The following NALF1 variants were observed in gnomAD, a reference collection of about 807,000 sequenced individuals.
NALF1 encodes NALCN channel auxiliary factor 1.
In NALF1, 3 loss-of-function variants were observed where a neutral mutation model predicts 48.4. That is an observed-to-expected ratio of 0.06 (90% CI 0.03 to 0.16). The LOEUF (loss-of-function observed/expected upper bound fraction) is 0.16. NALF1 is among the 10% of genes least tolerant of loss of function. The pLI is 1.00. For missense variants in NALF1, 526 were observed against 571.5 expected (o/e 0.92, Z 0.81); for synonymous variants, 262 against 245.7 (o/e 1.07, Z -0.62).
intron 1 of NALF1, among the ~76,000 whole-genome samples, chr13:107,634,133 A>G (rs1462399032): frequency 6.6e-6 from 1 of 152,090 alleles, no homozygotes. Flanking sequence ...GAGAACATCA[A>G]CTGATTAATC....
chr13:107,537,505 C>A (rs184132397), intron 1 of NALF1, among the ~76,000 whole-genome samples: 96 of 152,164 alleles, frequency 6.3e-4, no homozygotes, highest in Admixed American at 4.6e-4. Flanking sequence ...TTTGTCATTG[C>A]CACAATATTT....
chr13:107,225,018 TG>T (rs1251404811), intron 1 of NALF1, among the ~76,000 whole-genome samples: 2 of 152,174 alleles, frequency 1.3e-5, no homozygotes, highest in African/African-American at 4.8e-5. Context: ...TATTTTGTTT[TG>T]TTTTTTGAGA....
chr13:107,510,742 C>T (rs1366998080), intron 1 of NALF1, among the ~76,000 whole-genome samples: 1 of 152,116 alleles, frequency 6.6e-6, no homozygotes, highest in Non-Finnish European at 1.5e-5. Context: ...CATTCTGTGA[C>T]CATGATGGAC....
intron 1 of NALF1, among the ~76,000 whole-genome samples, chr13:107,385,912 G>GA (rs374677428): frequency 1.3e-5 from 2 of 151,982 alleles, no homozygotes; most frequent in Admixed American, 6.5e-5. Flanking sequence ...CAATGAATTA[G>GA]AAAAAAATAA....
intron 1 of NALF1, among the ~76,000 whole-genome samples, chr13:107,806,860 C>T (rs970496268): frequency 6.6e-6 from 1 of 152,142 alleles, no homozygotes. Flanking sequence ...GATTCATGGG[C>T]ATCATGCTTC....
chr13:107,698,636 T>C (rs904681144), intron 1 of NALF1, among the ~76,000 whole-genome samples: 2 of 152,140 alleles, frequency 1.3e-5, no homozygotes, highest in African/African-American at 4.8e-5. Context: ...TTTTTGAATA[T>C]AAAATATCAT....
At chr13:107,632,611 C>A (rs1475307321) in intron 1 of NALF1, among the ~76,000 whole-genome samples, 1 of 152,096 alleles carries the variant, frequency 6.6e-6, no homozygotes, top group African/African-American at 2.4e-5. Context: ...TCTCTGTAGA[C>A]TAATGTCACT....
intron 1 of NALF1, among the ~76,000 whole-genome samples, chr13:107,432,127 A>T (rs1884393104): frequency 6.6e-6 from 1 of 152,134 alleles, no homozygotes; most frequent in African/African-American, 2.4e-5. Flanking sequence ...GCTTTCAAAC[A>T]TGGCAGAAGG....
chr13:107,549,430 G>C (rs1467283205), intron 1 of NALF1, among the ~76,000 whole-genome samples: 2 of 152,140 alleles, frequency 1.3e-5, no homozygotes, highest in Admixed American at 6.5e-5. Context: ...CATCAGGTGA[G>C]ATTAATCAAT....
chr13:107,768,363 A>G (rs1877476067), intron 1 of NALF1, among the ~76,000 whole-genome samples: 1 of 152,336 alleles, frequency 6.6e-6, no homozygotes, highest in East Asian at 1.9e-4. Context: ...AAATAAAAAT[A>G]AATATATTTC....
intron 1 of NALF1, among the ~76,000 whole-genome samples, chr13:107,725,385 G>A (rs1039595605): frequency 6.6e-6 from 1 of 152,106 alleles, no homozygotes; most frequent in Non-Finnish European, 1.5e-5. Context: ...TTTTATTCTT[G>A]CCAAGATGGA....
At chr13:107,820,244 G>A (rs1019661779) in intron 1 of NALF1, among the ~76,000 whole-genome samples, 19 of 152,194 alleles carry the variant, frequency 1.2e-4, no homozygotes, top group African/African-American at 4.3e-4. Flanking sequence ...AATGTTTCAT[G>A]AATGATGCAT....
intron 1 of NALF1, among the ~76,000 whole-genome samples, chr13:107,354,825 C>A (rs1247956088): frequency 1.3e-5 from 2 of 152,032 alleles, no homozygotes; most frequent in Non-Finnish European, 2.9e-5. Flanking sequence ...TGTGTAAAAG[C>A]CCCTGATAAA....
chr13:107,864,051 G>A (rs1269522646), intron 1 of NALF1, among the ~76,000 whole-genome samples: 2 of 152,272 alleles, frequency 1.3e-5, no homozygotes, highest in Non-Finnish European at 1.5e-5. Flanking sequence ...AGAAGACGTA[G>A]AGTTTCCTTT....
chr13:107,473,674 A>T (rs954643729), intron 1 of NALF1, among the ~76,000 whole-genome samples: 2 of 152,186 alleles, frequency 1.3e-5, no homozygotes, highest in East Asian at 3.9e-4. Context: ...GAAGCAGACC[A>T]TCTCAGATTT....
chr13:107,459,934 G>T (rs962104320), intron 1 of NALF1, among the ~76,000 whole-genome samples: 18 of 152,022 alleles, frequency 1.2e-4, no homozygotes, highest in Admixed American at 1.3e-4. Context: ...TAGAGATGGG[G>T]TTTCACTATG....
At chr13:107,178,461 C>G (rs112613323) in intron 2 of NALF1, among the ~76,000 whole-genome samples, 1 of 152,164 alleles carries the variant, frequency 6.6e-6, no homozygotes, top group Non-Finnish European at 1.5e-5. Flanking sequence ...AAGTGCTCAA[C>G]ACAATTGATC....
chr13:107,429,715 G>A (rs556635081), intron 1 of NALF1, among the ~76,000 whole-genome samples: 4 of 151,906 alleles, frequency 2.6e-5, no homozygotes, highest in South Asian at 2.1e-4. Context: ...GATAAAGACC[G>A]AATCAAAATC....
chr13:107,667,527 CTAAT>C (rs1232753759), intron 1 of NALF1, among the ~76,000 whole-genome samples: 6 of 152,064 alleles, frequency 3.9e-5, no homozygotes, highest in African/African-American at 1.4e-4. Context: ...ATTTTCCTCA[CTAAT>C]TATGTGAGCA....
Sources: allele counts gnomAD v4.1 joint callset (sites outside exome capture counted in the v4.1 genomes callset), GRCh38; gene constraint gnomAD v4.1.1; transcripts MANE v1.5; gene names NCBI Gene and HGNC (gene_info 2026-07-23, HGNC 2026-07-21).